The following PTBP3 variants were observed in gnomAD, a reference collection of about 807,000 sequenced individuals.
PTBP3 encodes polypyrimidine tract-binding protein 3.
In PTBP3, 20 loss-of-function variants were observed where a neutral mutation model predicts 58.7. The observed-to-expected ratio is 0.34, with a 90% confidence interval of 0.24 to 0.50. The LOEUF (loss-of-function observed/expected upper bound fraction) is 0.50. Among genes scored for constraint, PTBP3 ranks in the 20% least tolerant of loss-of-function variants. The pLI is 0.98. For missense variants in PTBP3, 509 were observed against 637.2 expected (o/e 0.80, Z 2.17); for synonymous variants, 185 against 219.8 (o/e 0.84, Z 1.40).
At chr9:112,276,462 T>C (rs1301529383) in intron 2 of PTBP3, among the ~76,000 whole-genome samples, 3 of 152,170 alleles carry the variant, frequency 2.0e-5, no homozygotes, top group Admixed American at 6.5e-5. Flanking sequence ...CCTAAGGAGA[T>C]ATGGATTTGA....
intron 6 of PTBP3, among the ~76,000 whole-genome samples, chr9:112,252,011 G>C (rs1426867025): frequency 2.0e-5 from 3 of 151,998 alleles, no homozygotes; most frequent in Non-Finnish European, 2.9e-5. Context: ...ACTGCTACAA[G>C]ATGAAATTAG....
At chr9:112,232,757 G>T (rs1161758541) in intron 8 of PTBP3, among the ~76,000 whole-genome samples, 1 of 152,104 alleles carries the variant, frequency 6.6e-6, no homozygotes, top group African/African-American at 2.4e-5. Flanking sequence ...GACCAAAATA[G>T]ATATTTACAG....
chr9:112,320,310 A>AT (rs1829883168), intron 1 of PTBP3, among the ~76,000 whole-genome samples: 1 of 50,218 alleles, frequency 2.0e-5, no homozygotes, highest in Non-Finnish European at 3.4e-5. Context: ...ATATATATAT[A>AT]TATATTTTTT....
At chr9:112,337,205 T>C (rs969810655), upstream of PTBP3, among the ~76,000 whole-genome samples, 16 of 152,166 alleles carry the variant, frequency 1.1e-4, no homozygotes, top group Admixed American at 9.8e-4. Flanking sequence ...AATTTTTGTA[T>C]TTTTCATAGA....
chr9:112,286,736 T>C (rs1483127400), intron 2 of PTBP3, among the ~76,000 whole-genome samples: 1 of 152,242 alleles, frequency 6.6e-6, no homozygotes, highest in African/African-American at 2.4e-5. Flanking sequence ...TCATGCTGTA[T>C]AAAACTCAAG....
At chr9:112,257,839 C>G (rs558584511) in intron 5 of PTBP3, among the ~76,000 whole-genome samples, 20 of 151,416 alleles carry the variant, frequency 1.3e-4, no homozygotes, top group African/African-American at 4.8e-4. Flanking sequence ...ACTCAGAAGG[C>G]TGAGGCAGGA....
upstream of PTBP3, chr9:112,333,743 C>A (rs974037083): frequency 1.2e-5 from 4 of 334,858 alleles, no homozygotes; most frequent in Non-Finnish European, 1.6e-5. Flanking sequence ...CCCTCGGGGC[C>A]CGCCCCTGCG....
At chr9:112,259,828 T>C (rs1836517041) in intron 5 of PTBP3, among the ~76,000 whole-genome samples, 1 of 152,244 alleles carries the variant, frequency 6.6e-6, no homozygotes, top group African/African-American at 2.4e-5. Context: ...CCACATCTTA[T>C]GCCATTATTT....
At chr9:112,302,908 T>C (rs1829010229) in intron 1 of PTBP3, among the ~76,000 whole-genome samples, 1 of 152,176 alleles carries the variant, frequency 6.6e-6, no homozygotes, top group South Asian at 2.1e-4. Flanking sequence ...TTCTTCTTAA[T>C]GCACACATGC....
chr9:112,302,582 C>CTTTTTTTTTTTTTT lies in PTBP3; in HGVS notation c.-51-4680_-51-4667dup, dbSNP rs369208342. Among the ~76,000 whole-genome samples, 125 of 110,472 alleles carry CTTTTTTTTTTTTTT rather than the reference C, an allele frequency of 1.1e-3. 5 individuals carry two copies. The highest frequency in any genetic ancestry group is 4.0e-3 in the African/African-American group (123 of 31,124). 72.5% of individuals were successfully genotyped at this position (110,472 alleles called of 152,430 possible). ...CCCAAAAGCTGACTATATTCTTCAT[C>CTTTTTTTTTTTTTT]TTTTTTTTTTTTTTTTTTTTTTTGG... On this transcript the variant is annotated intron_variant, in intron 1 of 13. Transcript: ENST00000374257.
chr9:112,231,496 G>A (rs1169458907), intron 9 of PTBP3, 83 bp from the exon 10 acceptor site: 30 of 1,144,072 alleles, frequency 2.6e-5, no homozygotes, highest in African/African-American at 3.2e-5. Context: ...AATGGCAGTT[G>A]ATTTTATTTT....
chr9:112,371,485 A>C, the PTBP3 span, among the ~76,000 whole-genome samples: 4 of 152,152 alleles, frequency 2.6e-5, no homozygotes, highest in East Asian at 1.9e-4. Context: ...TGGACATTCC[A>C]CATGAAAAGA....
At chr9:112,308,886 A>AT (rs1829353891) in intron 1 of PTBP3, among the ~76,000 whole-genome samples, 1 of 152,168 alleles carries the variant, frequency 6.6e-6, no homozygotes, top group Non-Finnish European at 1.5e-5. Flanking sequence ...CTCAAGTATC[A>AT]ATTACTGAAG....
chr9:112,352,409 G>A, the PTBP3 span, among the ~76,000 whole-genome samples: 1 of 152,106 alleles, frequency 6.6e-6, no homozygotes, highest in African/African-American at 2.4e-5. Flanking sequence ...TTTGGTCAAC[G>A]GTTGCAGGTC....
chr9:112,250,859 T>C (rs1416468706), intron 7 of PTBP3, 70 bp downstream of exon 7: 1 of 1,384,480 alleles, frequency 7.2e-7, no homozygotes, highest in Non-Finnish European at 9.5e-7. Flanking sequence ...CTTATAAACA[T>C]ACATGGCTTA....
At chr9:112,316,480 G>A (rs74953494) in intron 1 of PTBP3, among the ~76,000 whole-genome samples, 8,788 of 152,186 alleles carry the variant, frequency 0.058, 348 homozygotes, top group Non-Finnish European at 0.089. Context: ...AAGTGAGCTC[G>A]AACATGGATT....
chr9:112,252,668 T>C lies in PTBP3; in HGVS notation c.627+10A>G. The stretch of plus-strand genomic sequence containing the variant: ...TAACAATTGAAAAATGAAACAAAGA[T>C]CATAATTACCATTTTGGCATAATGT... On this transcript the variant is annotated intron_variant, in intron 6 of 13. Coordinates refer to ENST00000374257, the MANE Select transcript of PTBP3 (RefSeq NM_001163788.4). The C allele has an allele frequency of 6.5e-7, 1 of 1,546,506 alleles. No homozygotes were observed. Among genetic ancestry groups the C allele is most frequent in the South Asian group, 1.1e-5 (1 of 89,378 alleles).
At chr9:112,258,233 A>T (rs1410476575) in intron 5 of PTBP3, among the ~76,000 whole-genome samples, 1 of 152,266 alleles carries the variant, frequency 6.6e-6, no homozygotes, top group East Asian at 1.9e-4. Flanking sequence ...GTAATGGATT[A>T]CATGAGAACA....
chr9:112,357,020 T>C, the PTBP3 span, among the ~76,000 whole-genome samples: 5 of 151,632 alleles, frequency 3.3e-5, no homozygotes, highest in Admixed American at 1.3e-4. Flanking sequence ...ACTGGGATTA[T>C]AGGCACCCGC....
Sources: gnomAD v4.1 joint callset for allele counts (sites outside exome capture counted in the v4.1 genomes callset) on GRCh38, gnomAD v4.1.1 for gene constraint, MANE v1.5 for transcripts, NCBI Gene and HGNC (gene_info 2026-07-23, HGNC 2026-07-21) for gene names.